Variants in CAPS2 observed in about 807,000 individuals in gnomAD.
The protein encoded by CAPS2 is calcyphosine 2, also known as calcyphosin-2.
Under a neutral mutation model 86.5 loss-of-function variants are expected in CAPS2, and 98 were observed. That is an observed-to-expected ratio of 1.13 (90% confidence interval 0.96 to 1.34). CAPS2 has a LOEUF of 1.34. Ranked by LOEUF, CAPS2 falls within the 40% of genes most tolerant of loss-of-function variation. CAPS2 has a pLI of 0.00. For synonymous variants in CAPS2, 210 were observed against 225.1 expected, an observed-to-expected ratio of 0.93 and a Z score of 0.60; for missense variants, 729 against 686.8, an observed-to-expected ratio of 1.06 and a Z score of -0.69.
intron 1 of CAPS2, among the ~76,000 whole-genome samples, chr12:75,377,868 TGTG>T (rs1158820092): frequency 6.6e-6 from 1 of 150,608 alleles, no homozygotes; most frequent in East Asian, 1.9e-4. Context: ...TATGCGTGTG[TGTG>T]TGTGTCTATA....
chr12:75,296,352 C>T (rs911160273), intron 11 of CAPS2, among the ~76,000 whole-genome samples: 3 of 151,488 alleles, frequency 2.0e-5, no homozygotes, highest in Non-Finnish European at 2.9e-5. Context: ...AGTGCAGAGG[C>T]GCAATCTCAG....
Position 75,362,752 on chromosome 12 carries a change from T to C in CAPS2, c.-395+28086A>G, listed in dbSNP as rs566573407. Among the ~76,000 whole-genome samples, 24 of 152,162 alleles carry C rather than the reference T, an allele frequency of 1.6e-4. No homozygotes were observed. The South Asian group carries it at 5.0e-3, about 32-fold the overall frequency. ...CTTTAAAATTAAAACATAAAACACA[T>C]GTTTATGTTCATACTTAAATATTAC... On this transcript the variant is annotated intron_variant, in intron 1 of 5. Coordinates refer to the CAPS2 transcript ENST00000551829.
At chr12:75,295,871 G>T (rs2036789157) in intron 11 of CAPS2, among the ~76,000 whole-genome samples, 1 of 152,084 alleles carries the variant, frequency 6.6e-6, no homozygotes, top group South Asian at 2.1e-4. Flanking sequence ...AAATTAGGAA[G>T]TCTTTGGAGA....
At chr12:75,343,208 CTAA>C (rs1171395362) in intron 1 of CAPS2, among the ~76,000 whole-genome samples, 3 of 151,890 alleles carry the variant, frequency 2.0e-5, no homozygotes, top group African/African-American at 7.2e-5. Context: ...TGTTTCATTC[CTAA>C]TCTTGAGGGA....
intron 7 of CAPS2, among the ~76,000 whole-genome samples, chr12:75,309,655 G>A (rs1404919266): frequency 6.6e-6 from 1 of 152,174 alleles, no homozygotes; most frequent in Non-Finnish European, 1.5e-5. Flanking sequence ...TGAATTTATT[G>A]AGTTATTTCA....
At chr12:75,307,555 T>C (rs1438985672) in intron 7 of CAPS2, among the ~76,000 whole-genome samples, 1 of 152,198 alleles carries the variant, frequency 6.6e-6, no homozygotes, top group African/African-American at 2.4e-5. Flanking sequence ...GAGATAATAA[T>C]TCAAATGTTT....
rs1456886547 is a variant in CAPS2 at position 75,367,270 on chromosome 12, A to G, written c.-395+23568T>C. Reference sequence around the variant, plus strand: ...CCTAAACAACAACTTCCTAGGAGGAAAAAAAAAAAAAAAAAAAAAAGAACT... The same window carrying G: ...CCTAAACAACAACTTCCTAGGAGGAGAAAAAAAAAAAAAAAAAAAAGAACT... On this transcript the variant is annotated intron_variant, in intron 1 of 5. Transcript: ENST00000551829. 3.4e-4 allele frequency among the ~76,000 whole-genome samples: 7 copies of G among 20,620 alleles called. No individual in the cohort carries two copies. In the African/African-American group the frequency reaches 5.7e-3, roughly 17 times the overall value. 13.5% of individuals were successfully genotyped at this position (20,620 alleles called of 152,430 possible). A position where few individuals can be genotyped will look rare whatever the true frequency, so the allele number is the denominator to read the frequency against.
At chr12:75,285,490 T>C (rs2138128037) in intron 14 of CAPS2, among the ~76,000 whole-genome samples, 1 of 152,110 alleles carries the variant, frequency 6.6e-6, no homozygotes, top group Admixed American at 6.5e-5. Flanking sequence ...CTTTTAGGTA[T>C]TTTGAAATAT....
intron 7 of CAPS2, among the ~76,000 whole-genome samples, chr12:75,308,124 C>T (rs2038724101): frequency 6.6e-6 from 1 of 152,150 alleles, no homozygotes; most frequent in African/African-American, 2.4e-5. Context: ...AGAAGGCTAA[C>T]TTTGTAACTC....
intron 7 of CAPS2, among the ~76,000 whole-genome samples, chr12:75,307,651 T>A (rs1160794562): frequency 1.3e-5 from 2 of 152,178 alleles, no homozygotes; most frequent in Non-Finnish European, 2.9e-5. Context: ...TGTTAAATTA[T>A]CTCATGTACC....
chr12:75,364,231 C>T (rs948924576), intron 1 of CAPS2, among the ~76,000 whole-genome samples: 1 of 152,170 alleles, frequency 6.6e-6, no homozygotes, highest in Non-Finnish European at 1.5e-5. Context: ...TGTCTGACCT[C>T]CCCTTTCCCA....
At chr12:75,357,285 A>G (rs2043216031) in intron 1 of CAPS2, among the ~76,000 whole-genome samples, 1 of 152,216 alleles carries the variant, frequency 6.6e-6, no homozygotes, top group Non-Finnish European at 1.5e-5. Context: ...TCACTTCACA[A>G]TGATAATTGG....
At chr12:75,347,652 T>C (rs1336828364) in intron 1 of CAPS2, 1 of 1,609,966 alleles carries the variant, frequency 6.2e-7, no homozygotes, top group Non-Finnish European at 8.5e-7. Context: ...TTATGTCGGT[T>C]GTGCAGTTGC....
chr12:75,331,248 A>G (rs1352038767), upstream of CAPS2, among the ~76,000 whole-genome samples: 1 of 152,228 alleles, frequency 6.6e-6, no homozygotes, highest in Non-Finnish European at 1.5e-5. Flanking sequence ...ATTAGAAGTA[A>G]GAGTTTATGA....
intron 7 of CAPS2, among the ~76,000 whole-genome samples, chr12:75,307,457 T>G (rs2038640960): frequency 6.6e-6 from 1 of 152,180 alleles, no homozygotes; most frequent in South Asian, 2.1e-4. Context: ...AAACACACAG[T>G]TTGATCAAGG....
At chr12:75,370,807 T>C (rs2044311096) in intron 1 of CAPS2, among the ~76,000 whole-genome samples, 1 of 152,200 alleles carries the variant, frequency 6.6e-6, no homozygotes, top group South Asian at 2.1e-4. Context: ...AAAATTAGTA[T>C]AGGTAACAAC....
At chr12:75,330,847 C>G (rs943282481), upstream of CAPS2, among the ~76,000 whole-genome samples, 4 of 151,322 alleles carry the variant, frequency 2.6e-5, no homozygotes, top group Non-Finnish European at 5.9e-5. Flanking sequence ...TGCAATGGCA[C>G]AATCTCGACT....
intron 7 of CAPS2, among the ~76,000 whole-genome samples, chr12:75,310,991 G>A (rs28578562): frequency 0.23 from 35,620 of 152,112 alleles, 4,255 homozygotes; most frequent in Middle Eastern, 0.3. Flanking sequence ...GCCATGGCAA[G>A]CCTTGATAGC....
intron 2 of CAPS2, among the ~76,000 whole-genome samples, chr12:75,323,659 C>T (rs1022281913): frequency 1.3e-5 from 2 of 152,202 alleles, no homozygotes; most frequent in Admixed American, 1.3e-4. Context: ...AGGAGAATCA[C>T]TTGAACCTAG....
Sources: gnomAD v4.1 joint callset for allele counts (sites outside exome capture counted in the v4.1 genomes callset) on GRCh38, gnomAD v4.1.1 for gene constraint, MANE v1.5 for transcripts, NCBI Gene and HGNC (gene_info 2026-07-23, HGNC 2026-07-21) for gene names.